Variants in GRHL2 observed in about 807,000 individuals in gnomAD.
GRHL2 encodes the protein grainyhead like transcription factor 2.
Under a neutral mutation model 83.8 loss-of-function variants are expected in GRHL2, and 21 were observed. The ratio of observed to expected loss-of-function variants is 0.25; its 90% CI spans 0.18 to 0.36. The LOEUF (loss-of-function observed/expected upper bound fraction) is 0.36, where lower values mean the gene tolerates loss of function less well. GRHL2 is among the 10% of genes least tolerant of loss of function. The pLI, the probability that GRHL2 is intolerant of heterozygous loss-of-function variation, is 1.00. For missense variants in GRHL2, 623 were observed against 781.8 expected (o/e 0.80, Z 2.42); for synonymous variants, 280 against 278.9 (o/e 1.00, Z -0.04).
intron 3 of GRHL2, among the ~76,000 whole-genome samples, chr8:101,554,964 T>C (rs73701927): frequency 0.047 from 7,187 of 152,274 alleles, 534 homozygotes; most frequent in African/African-American, 0.16. Context: ...TGGTGCTGAA[T>C]CTGTTATTTT....
At chr8:101,548,270 C>T (rs993904097) in intron 2 of GRHL2, among the ~76,000 whole-genome samples, 5 of 152,194 alleles carry the variant, frequency 3.3e-5, no homozygotes, top group African/African-American at 7.2e-5. Flanking sequence ...AGATGATATT[C>T]GGTTGACCAC....
chr8:101,505,577 C>CAA (rs11395323), intron 1 of GRHL2, among the ~76,000 whole-genome samples: 24,465 of 100,732 alleles, frequency 0.24, 3,570 homozygotes, highest in African/African-American at 0.3. Flanking sequence ...AACTCTGTCT[C>CAA]AAAAAAAAAA....
intron 1 of GRHL2, among the ~76,000 whole-genome samples, chr8:101,493,886 G>A (rs1187509034): frequency 1.3e-5 from 2 of 151,460 alleles, no homozygotes; most frequent in Admixed American, 6.6e-5. Flanking sequence ...GCCGGCCCCC[G>A]CCCTCGGAAG....
chr8:101,521,104 G>A (rs1220200376), intron 1 of GRHL2, among the ~76,000 whole-genome samples: 2 of 152,222 alleles, frequency 1.3e-5, no homozygotes, highest in Non-Finnish European at 2.9e-5. Context: ...AGCTGGCAAA[G>A]TGGGGGAACT....
chr8:101,511,712 G>T (rs571888456), intron 1 of GRHL2, among the ~76,000 whole-genome samples: 1 of 151,838 alleles, frequency 6.6e-6, no homozygotes, highest in Non-Finnish European at 1.5e-5. Flanking sequence ...GCTTAAGAAG[G>T]CTTTCTCTGC....
intron 8 of GRHL2, among the ~76,000 whole-genome samples, chr8:101,613,941 G>C (rs1000897653): frequency 6.6e-6 from 1 of 150,976 alleles, no homozygotes; most frequent in African/African-American, 2.5e-5. Context: ...GTTGCTTAAA[G>C]AGGAAAATAA....
In GRHL2 at chr8:101,664,327, C is replaced by T. The variant is rs538351943; in HGVS notation, c.1699-127C>T. On this transcript the variant is annotated intron_variant, in intron 14 of 15. Coordinates refer to ENST00000646743, the MANE Select transcript of GRHL2 (RefSeq NM_024915.4). ...CTCATAAATGAGTGTTTTGAGAGTT[C>T]GACTCATGAGTGAAGAGCACTCTAT... 335 of 681,248 alleles carry T rather than the reference C, an allele frequency of 4.9e-4. 2 individuals are homozygous for T. In the East Asian group the frequency reaches 8.3e-3, roughly 17 times the overall value. The allele number at this position is 681,248 out of a possible 1,614,324, so 42.2% of individuals were successfully genotyped here.
intron 2 of GRHL2, among the ~76,000 whole-genome samples, chr8:101,548,767 C>T (rs1374902444): frequency 6.6e-6 from 1 of 152,146 alleles, no homozygotes; most frequent in African/African-American, 2.4e-5. Flanking sequence ...AGAGCAAACC[C>T]GCAGGTTAAT....
At chr8:101,576,730 T>G (rs991716568) in intron 6 of GRHL2, among the ~76,000 whole-genome samples, 4 of 152,336 alleles carry the variant, frequency 2.6e-5, no homozygotes, top group African/African-American at 9.6e-5. Context: ...TGAGGCTGTT[T>G]ATAATTTAGA....
Position 101,543,252 on chromosome 8 carries a change from T to C in GRHL2, c.32T>C (p.Leu11Pro), listed in dbSNP as rs1212754842. 1 of 1,613,732 alleles carries C rather than the reference T, an allele frequency of 6.2e-7. No individual in the cohort carries two copies. Among genetic ancestry groups the C allele is most frequent in the African/African-American group, 1.3e-5 (1 of 74,930 alleles). MSQESDNNKR[L>P]VALVPMPSDP... ...TCTTGTTTTTACAGTAATAAAAGACTAGTGGCCTTAGTGCCCATGCCCAGT... is the reference window on the plus strand; with the variant it reads ...TCTTGTTTTTACAGTAATAAAAGACCAGTGGCCTTAGTGCCCATGCCCAGT... Residue 11 changes from leucine (L) to proline (P), a missense_variant, in exon 2 of 16, where the codon CTA becomes CCA. Leu to Pro is a moderately conservative substitution (Grantham distance 98). This residue lies in a region of GRHL2 where 39 missense variants were observed against 34.8 expected (regional missense o/e 1.12). Transcript: ENST00000646743.
At chr8:101,665,795 G>A (rs976037800) in intron 15 of GRHL2, among the ~76,000 whole-genome samples, 1 of 143,222 alleles carries the variant, frequency 7.0e-6, no homozygotes, top group African/African-American at 2.6e-5. Context: ...ACACATAACT[G>A]TAAAATGATA....
chr8:101,578,861 C>T (rs930035121), intron 7 of GRHL2, among the ~76,000 whole-genome samples: 2 of 152,228 alleles, frequency 1.3e-5, no homozygotes, highest in African/African-American at 2.4e-5. Flanking sequence ...GTGAGAGGCT[C>T]ACTGTAGAAG....
downstream of GRHL2, among the ~76,000 whole-genome samples, chr8:101,672,078 A>C (rs561632174): frequency 1.3e-5 from 2 of 151,716 alleles, no homozygotes; most frequent in Non-Finnish European, 1.5e-5. Context: ...AAAGACCAAA[A>C]GTAGATAAAG....
chr8:101,601,350 G>A (rs1271791029), intron 8 of GRHL2, among the ~76,000 whole-genome samples: 2 of 152,096 alleles, frequency 1.3e-5, no homozygotes, highest in Non-Finnish European at 2.9e-5. Flanking sequence ...GCTTCAATAG[G>A]GACCTTTTAT....
At chr8:101,501,620 C>T (rs192575977) in intron 1 of GRHL2, among the ~76,000 whole-genome samples, 41 of 152,066 alleles carry the variant, frequency 2.7e-4, no homozygotes, top group East Asian at 7.7e-4. Flanking sequence ...GCCTAGGGTG[C>T]GACAGCATGT....
chr8:101,634,977 G>T (rs1414147970), intron 11 of GRHL2, among the ~76,000 whole-genome samples: 1 of 152,134 alleles, frequency 6.6e-6, no homozygotes, highest in Non-Finnish European at 1.5e-5. Context: ...CATGAGATTA[G>T]GCGAGATTGG....
chr8:101,577,568 T>C (rs773232539), intron 7 of GRHL2, 49 bp downstream of exon 7: 1 of 1,256,254 alleles, frequency 8.0e-7, no homozygotes, highest in Non-Finnish European at 1.2e-6. Context: ...ACTGACATGT[T>C]GTCTCAATGC....
chr8:101,568,981 T>C (rs1488727907), intron 4 of GRHL2, among the ~76,000 whole-genome samples: 1 of 152,210 alleles, frequency 6.6e-6, no homozygotes, highest in Non-Finnish European at 1.5e-5. Context: ...GTGAGGAAGT[T>C]TGGAAAATAG....
At chr8:101,500,941 A>G (rs760773718) in intron 1 of GRHL2, among the ~76,000 whole-genome samples, 22 of 152,220 alleles carry the variant, frequency 1.4e-4, no homozygotes, top group Non-Finnish European at 3.2e-4. Flanking sequence ...CCCATCCCCA[A>G]TTATACTGGG....
Sources: gnomAD v4.1 joint callset for allele counts (sites outside exome capture counted in the v4.1 genomes callset) on GRCh38, gnomAD v4.1.1 for gene constraint, gnomAD v4.1.1 regional missense constraint, MANE v1.5 for transcripts, NCBI Gene and HGNC (gene_info 2026-07-23, HGNC 2026-07-21) for gene names.